Variants in CELF3 observed in about 807,000 individuals in gnomAD.
The protein encoded by CELF3 is CUGBP Elav-like family member 3.
A neutral mutation model predicts 59.6 loss-of-function variants in CELF3; 26 were observed. The ratio of observed to expected loss-of-function variants is 0.44; its 90% confidence interval spans 0.32 to 0.61. CELF3 has a LOEUF of 0.61. Ranked by LOEUF, CELF3 falls within the 20% of genes least tolerant of loss-of-function variation. The pLI, the probability that CELF3 is intolerant of heterozygous loss-of-function variation, is 0.06. For missense variants in CELF3, 387 were observed against 627.2 expected (o/e 0.62, Z 4.09); for synonymous variants, 245 against 250.7 (o/e 0.98, Z 0.22).
At chr1:151,714,184 TC>T (rs1261732291) in intron 2 of CELF3, among the ~76,000 whole-genome samples, 1 of 151,866 alleles carries the variant, frequency 6.6e-6, no homozygotes, top group African/African-American at 2.4e-5. Context: ...TGGGCACTCC[TC>T]CCTCATCTCA....
intron 8 of CELF3, among the ~76,000 whole-genome samples, 153 bp from the exon 9 acceptor site, chr1:151,706,887 A>C (rs946003707): frequency 6.6e-6 from 1 of 152,228 alleles, no homozygotes; most frequent in East Asian, 1.9e-4. Flanking sequence ...TGCACAAAGC[A>C]GTGGGAAGAG....
rs1672866405 is a variant in CELF3 at position 151,709,788 on chromosome 1, T to G, written c.232A>C (p.Asn78His). The change falls in exon 3 of 13, where the codon AAC becomes CAC. Residue 78 changes from asparagine to histidine, a missense_variant. Transcript: ENST00000290583. This position sits in a 1 kb window ranked among gnomAD's most constrained non-coding sequence, Gnocchi z 4.9. ...GCTGGCTTGACCTGGATCGGCCTGT[T>G]CATCTGAAGGAGAGAAGAGAAGGCA... ...LHEQKTLPGM[N>H]RPIQVKPADS... 1.3e-5 allele frequency: 21 copies of G among 1,614,132 alleles called. No individual in the cohort carries two copies. Among genetic ancestry groups the G allele is most frequent in the Non-Finnish European group, 1.7e-5 (20 of 1,180,000 alleles).
chr1:151,710,340 AG>A (rs1259256860), intron 2 of CELF3: 1 of 282,426 alleles, frequency 3.5e-6, no homozygotes, highest in Non-Finnish European at 7.1e-6. Flanking sequence ...GCAGATGCCC[AG>A]TCTCCGTGGC....
Position 151,703,327 on chromosome 1 carries a change from G to A in CELF3, c.*132C>T, listed in dbSNP as rs1179798664. The A allele has an allele frequency of 4.4e-6, 2 of 452,208 alleles. No homozygotes were observed. The highest frequency in any genetic ancestry group is 4.5e-6 in the Non-Finnish European group (1 of 224,572). The allele number at this position is 452,208 out of a possible 1,614,324, so 28.0% of individuals were successfully genotyped here. A position where few individuals can be genotyped will look rare whatever the true frequency, so the allele number is the denominator to read the frequency against. Reference sequence around the variant, plus strand: ...GGAGGGGCCGGTGTCTTGTGCCCCCGGGGGCCACGAAGCAGCGTTTGCCCC... The same window carrying A: ...GGAGGGGCCGGTGTCTTGTGCCCCCAGGGGCCACGAAGCAGCGTTTGCCCC... On this transcript the variant is annotated 3_prime_UTR_variant, in exon 13 of 13. Coordinates refer to ENST00000290583, the MANE Select transcript of CELF3 (RefSeq NM_007185.7).
rs1473135205 is a variant in CELF3, at chr1:151,707,927, C to T, written c.495G>A (p.Ser165=). ...LHSSRTLPGA[S]SSLVVKFADT... ...CAGCAAACTTCACCACCAGGCTGGA[C>T]GAGGCACCCTGGGCACGGGCCCACA... The change falls in exon 6 of 13, where the codon TCG becomes TCA. Residue 165 remains serine (S), a synonymous_variant. Coordinates refer to ENST00000290583, the MANE Select transcript of CELF3 (RefSeq NM_007185.7). 13 of 1,611,524 alleles carry T rather than the reference C, an allele frequency of 8.1e-6. No individual in the cohort carries two copies. In the Admixed American group the frequency reaches 8.3e-5, roughly 10 times the overall value.
intron 12 of CELF3, among the ~76,000 whole-genome samples, chr1:151,704,216 G>A (rs1037169354): frequency 6.6e-6 from 1 of 152,084 alleles, no homozygotes; most frequent in African/African-American, 2.4e-5. Context: ...AGGGTTGGGG[G>A]AGTTAAGCAG....
intron 12 of CELF3, among the ~76,000 whole-genome samples, chr1:151,704,505 C>A (rs141596664): frequency 2.0e-5 from 3 of 152,156 alleles, no homozygotes; most frequent in Admixed American, 2.0e-4. Context: ...CACTCTGCTG[C>A]CCCATGGGTC....
chr1:151,713,991 G>A (rs1230824553), intron 2 of CELF3, among the ~76,000 whole-genome samples: 4 of 152,140 alleles, frequency 2.6e-5, no homozygotes, highest in Non-Finnish European at 5.9e-5. Flanking sequence ...GTCTGTCCCT[G>A]CCCTTGCCTG....
chr1:151,707,964 G>T, intron 5 of CELF3, 29 bp from the exon 6 acceptor site: 1 of 1,590,780 alleles, frequency 6.3e-7, no homozygotes, highest in Non-Finnish European at 8.6e-7. Flanking sequence ...ACAGGTCAGA[G>T]GTGCAGGGTC....
At chr1:151,704,791 T>C (rs1672370544) in intron 12 of CELF3, among the ~76,000 whole-genome samples, 1 of 151,046 alleles carries the variant, frequency 6.6e-6, no homozygotes, top group African/African-American at 2.4e-5. Flanking sequence ...GACTTGGCTC[T>C]TTCTGGGGTC....
intron 5 of CELF3, 44 bp from the exon 6 acceptor site, chr1:151,707,979 T>A (rs1052400794): frequency 6.4e-7 from 1 of 1,570,992 alleles, no homozygotes. Flanking sequence ...AGGGTCAGGG[T>A]CTCTCCTCCC....
chr1:151,707,684 C>T, intron 6 of CELF3, 36 bp from the exon 7 acceptor site: 1 of 1,598,926 alleles, frequency 6.3e-7, no homozygotes, highest in Non-Finnish European at 8.5e-7. Flanking sequence ...GGCAGGCCCC[C>T]TGTGCCCAAG....
chr1:151,707,154 G>A lies in CELF3; in HGVS notation c.913C>T (p.Pro305Ser), dbSNP rs757598407. The change falls in exon 8 of 13, where the codon CCC (proline) becomes TCC (serine). Residue 305 changes from proline to serine, a missense_variant. Pro to Ser is a moderately conservative substitution (Grantham distance 74). Around this residue, in one of 3 missense-constraint regions of CELF3, gnomAD observed 131 missense variants for 153.7 expected, o/e 0.85. Transcript: ENST00000290583. ...PDALYPNGVH[P>S]YPAQSPAAPV... ...AGGCAGAGAGTCCCACCTGGGTAGGGGTGAACCCCGTTGGGATACAGAGCA... is the reference window on the plus strand; with the variant it reads ...AGGCAGAGAGTCCCACCTGGGTAGGAGTGAACCCCGTTGGGATACAGAGCA... 31 of 1,508,662 alleles carry A rather than the reference G, an allele frequency of 2.1e-5. No homozygotes were observed. The highest frequency in any genetic ancestry group is 2.5e-5 in the Non-Finnish European group (28 of 1,133,388). 93.5% of individuals were successfully genotyped at this position (1,508,662 alleles called of 1,614,324 possible). A position where few individuals can be genotyped will look rare whatever the true frequency, so the allele number is the denominator to read the frequency against.
chr1:151,711,625 G>T (rs1464588744), intron 2 of CELF3, among the ~76,000 whole-genome samples: 1 of 152,228 alleles, frequency 6.6e-6, no homozygotes, highest in African/African-American at 2.4e-5. Context: ...AAAGCGTGTC[G>T]TGGGGGCAGA....
In CELF3 at chr1:151,705,301, C is replaced by G. The variant is rs1326524859; in HGVS notation, c.1271-133G>C. ...AGCTGCCTGCCACATAGCAGCATTC[C>G]TTAGGAATTTGTTGATTGATGGGTT... On this transcript the variant is annotated intron_variant, in intron 11 of 12. Coordinates refer to ENST00000290583, the MANE Select transcript of CELF3 (RefSeq NM_007185.7). This position sits in a 1 kb window ranked among gnomAD's most constrained non-coding sequence, Gnocchi z 5.1. The G allele has an allele frequency of 3.0e-6, 3 of 994,462 alleles. No individual in the cohort carries two copies. The highest frequency in any genetic ancestry group is 4.4e-6 in the Non-Finnish European group (3 of 688,456). The allele number at this position is 994,462 out of a possible 1,614,324, so 61.6% of individuals were successfully genotyped here.
rs1672920257 is a variant in CELF3, at chr1:151,710,430, G to A, written c.229-639C>T. The stretch of plus-strand genomic sequence containing the variant: ...CCGTCGCCCTGGCGACCGTGGTGAC[G>A]TCATCACTTCTGCTGCTCCACACAC... On this transcript the variant is annotated intron_variant, in intron 2 of 12. Coordinates refer to ENST00000290583, the MANE Select transcript of CELF3 (RefSeq NM_007185.7). The A allele has an allele frequency of 1.6e-5, 5 of 307,390 alleles. No homozygotes were observed. The Admixed American group carries it at 1.7e-4, about 10-fold the overall frequency. The allele number at this position is 307,390 out of a possible 1,614,324, so 19.0% of individuals were successfully genotyped here. A position where few individuals can be genotyped will look rare whatever the true frequency, so the allele number is the denominator to read the frequency against.
rs1025968232 is a variant in CELF3 at position 151,700,732 on chromosome 1, T to C, written c.*2727A>G. Among the ~76,000 whole-genome samples the C allele has an allele frequency of 2.0e-5, 3 of 152,222 alleles. No individual in the cohort carries two copies. The highest frequency in any genetic ancestry group is 7.2e-5 in the African/African-American group (3 of 41,450). On this transcript the variant is annotated 3_prime_UTR_variant, in exon 13 of 13. Coordinates refer to ENST00000290583, the MANE Select transcript of CELF3 (RefSeq NM_007185.7). The stretch of plus-strand genomic sequence containing the variant: ...GAGAAAGTTTGTGGAAGTGAAATCT[T>C]AAATGATTTAATACCATTGAGTTTA...
rs1672031998 is a variant in CELF3 at position 151,700,817 on chromosome 1, A to C, written c.*2642T>G. 6.6e-6 allele frequency among the ~76,000 whole-genome samples: 1 copy of C among 152,256 alleles called. No individual in the cohort carries two copies. The highest frequency in any genetic ancestry group is 2.1e-4 in the South Asian group (1 of 4,830). The stretch of plus-strand genomic sequence containing the variant: ...CTATGTGACTAGAAAATAGAAATAT[A>C]TGAGTCAGGACTTTATGGGAGAAAG... On this transcript the variant is annotated 3_prime_UTR_variant, in exon 13 of 13. Transcript: ENST00000290583.
intron 5 of CELF3, chr1:151,708,334 A>C (rs1243629174): frequency 1.9e-5 from 4 of 213,250 alleles, no homozygotes; most frequent in Non-Finnish European, 3.8e-5. Flanking sequence ...CCCACACCCC[A>C]GTCCTCATGG....
Sources: allele counts gnomAD v4.1 joint callset (sites outside exome capture counted in the v4.1 genomes callset), GRCh38; gene constraint gnomAD v4.1.1; regional missense constraint gnomAD v4.1.1; non-coding constraint Gnocchi (gnomAD v3.1); transcripts MANE v1.5; gene names NCBI Gene and HGNC (gene_info 2026-07-23, HGNC 2026-07-21).